ADGRL3: variants seen among roughly 807,000 people sequenced by gnomAD.
The protein encoded by ADGRL3 is adhesion G protein-coupled receptor L3, also known as calcium-independent alpha-latrotoxin receptor 3.
A neutral mutation model predicts 153.5 loss-of-function variants in ADGRL3; 62 were observed. That is an observed-to-expected ratio of 0.40 (90% CI 0.33 to 0.50). The LOEUF (loss-of-function observed/expected upper bound fraction) is 0.50. ADGRL3 is among the 20% of genes least tolerant of loss of function. The pLI, the probability that ADGRL3 is intolerant of heterozygous loss-of-function variation, is 0.47. For synonymous variants in ADGRL3, 710 were observed against 672.5 expected, an observed-to-expected ratio of 1.06 and a Z score of -0.86; for missense variants, 1,641 against 1,859.4, an observed-to-expected ratio of 0.88 and a Z score of 2.16.
intron 2 of ADGRL3, among the ~76,000 whole-genome samples, chr4:61,484,966 AT>A (rs2098173524): frequency 6.6e-6 from 1 of 152,230 alleles, no homozygotes; most frequent in Admixed American, 6.5e-5. Context: ...CATGTTAGCT[AT>A]TGATTTCAAA....
At chr4:61,939,379 C>T (rs189701360) in intron 15 of ADGRL3, among the ~76,000 whole-genome samples, 6 of 152,180 alleles carry the variant, frequency 3.9e-5, no homozygotes, top group East Asian at 1.9e-4. Context: ...AAAATATTCC[C>T]GTGTCTCTTA....
intron 8 of ADGRL3, among the ~76,000 whole-genome samples, chr4:61,738,366 G>C (rs1023203747): frequency 6.6e-6 from 1 of 152,120 alleles, no homozygotes; most frequent in Non-Finnish European, 1.5e-5. Context: ...ACTGCGAATT[G>C]TGCTGCTGTA....
At position 61,514,039 on chromosome 4, in the gene ADGRL3, G is replaced by A. The variant is rs189822433; in HGVS notation, c.56-3276G>A. ...ATTTGAAAGAATCCTTTCTCTTAAAGGTCTGGATAAAAAAAGAGGCATTTA... is the reference window on the plus strand; with the variant it reads ...ATTTGAAAGAATCCTTTCTCTTAAAAGTCTGGATAAAAAAAGAGGCATTTA... On this transcript the variant is annotated intron_variant, in intron 3 of 26. Coordinates refer to ENST00000683033, the MANE Select transcript of ADGRL3 (RefSeq NM_001387552.1). 1.6e-4 allele frequency among the ~76,000 whole-genome samples: 24 copies of A among 152,252 alleles called. No homozygotes were observed. In the East Asian group the frequency reaches 4.4e-3, roughly 28 times the overall value.
At chr4:61,228,378 A>T (rs2149132859) in intron 1 of ADGRL3, among the ~76,000 whole-genome samples, 1 of 152,356 alleles carries the variant, frequency 6.6e-6, no homozygotes, top group African/African-American at 2.4e-5. Flanking sequence ...TCTCAGTAGC[A>T]TGATACATTC....
intron 3 of ADGRL3, among the ~76,000 whole-genome samples, chr4:61,498,817 T>C (rs1476445244): frequency 6.6e-6 from 1 of 151,926 alleles, no homozygotes; most frequent in African/African-American, 2.4e-5. Context: ...ATTCACTGAA[T>C]CTCTCTCAAA....
At chr4:61,483,215 A>T (rs962904280) in intron 2 of ADGRL3, among the ~76,000 whole-genome samples, 1 of 152,132 alleles carries the variant, frequency 6.6e-6, no homozygotes, top group South Asian at 2.1e-4. Flanking sequence ...TATTTGATTG[A>T]TTTAATTATC....
At chr4:62,031,840 A>C (rs1226574856) in intron 23 of ADGRL3, among the ~76,000 whole-genome samples, 1 of 151,640 alleles carries the variant, frequency 6.6e-6, no homozygotes, top group Non-Finnish European at 1.5e-5. Context: ...ACAGTGAACA[A>C]AAATTATTTT....
chr4:61,220,455 A>G (rs1247511225), intron 1 of ADGRL3, among the ~76,000 whole-genome samples: 1 of 152,166 alleles, frequency 6.6e-6, no homozygotes, highest in Non-Finnish European at 1.5e-5. Flanking sequence ...TATGCTCTAT[A>G]TAATGGGACT....
intron 2 of ADGRL3, among the ~76,000 whole-genome samples, chr4:61,433,004 A>T (rs913789710): frequency 1.3e-5 from 2 of 152,004 alleles, no homozygotes; most frequent in African/African-American, 4.8e-5. Flanking sequence ...TAGATCAAAG[A>T]TGCATAGAAC....
intron 4 of ADGRL3, among the ~76,000 whole-genome samples, chr4:61,584,164 T>C (rs911341967): frequency 2.0e-5 from 3 of 152,034 alleles, no homozygotes; most frequent in Admixed American, 2.0e-4. Context: ...AATTAGATAA[T>C]GTTATAGAGT....
At chr4:61,428,890 A>ATC (rs1383824554) in intron 2 of ADGRL3, among the ~76,000 whole-genome samples, 222 of 77,772 alleles carry the variant, frequency 2.9e-3, no homozygotes, top group Non-Finnish European at 3.9e-3. Context: ...CTATCTATCT[A>ATC]TATCATCTAT....
intron 21 of ADGRL3, among the ~76,000 whole-genome samples, chr4:62,019,224 G>A (rs1489138074): frequency 1.3e-5 from 2 of 151,918 alleles, no homozygotes; most frequent in African/African-American, 4.8e-5. Flanking sequence ...ATCTAGATTA[G>A]AAGAAGAATT....
At chr4:61,391,436 G>C (rs1277629814) in intron 2 of ADGRL3, among the ~76,000 whole-genome samples, 1 of 152,144 alleles carries the variant, frequency 6.6e-6, no homozygotes, top group African/African-American at 2.4e-5. Context: ...CTCATACCAG[G>C]CTACACCTCT....
chr4:62,043,687 C>CT (rs1023648143), intron 24 of ADGRL3, among the ~76,000 whole-genome samples: 2 of 151,926 alleles, frequency 1.3e-5, no homozygotes, highest in Non-Finnish European at 2.9e-5. Flanking sequence ...ATTGTTAATA[C>CT]TTTTTTGACC....
At chr4:61,842,543 A>G (rs1311040441) in intron 9 of ADGRL3, among the ~76,000 whole-genome samples, 1 of 152,130 alleles carries the variant, frequency 6.6e-6, no homozygotes, top group African/African-American at 2.4e-5. Context: ...ACAAACACAA[A>G]GACAGCTGTG....
chr4:61,414,680 T>G (rs1297210790), intron 2 of ADGRL3, among the ~76,000 whole-genome samples: 15 of 151,986 alleles, frequency 9.9e-5, no homozygotes, highest in Admixed American at 9.2e-4. Flanking sequence ...TTATGTTTTT[T>G]TTTTGGAATA....
chr4:61,542,847 C>T (rs1248068871), intron 4 of ADGRL3, among the ~76,000 whole-genome samples: 2 of 152,158 alleles, frequency 1.3e-5, no homozygotes, highest in African/African-American at 2.4e-5. Flanking sequence ...TCTTTGCTAT[C>T]GCTACACTAA....
chr4:61,228,023 A>T (rs2149127178), intron 1 of ADGRL3, among the ~76,000 whole-genome samples: 1 of 152,368 alleles, frequency 6.6e-6, no homozygotes, highest in East Asian at 1.9e-4. Context: ...TAGTCCACTT[A>T]TGAAAATCTG....
chr4:61,975,759 G>A (rs1266613723), intron 17 of ADGRL3, among the ~76,000 whole-genome samples: 3 of 152,110 alleles, frequency 2.0e-5, no homozygotes, highest in Admixed American at 2.0e-4. Flanking sequence ...AGACCTATAA[G>A]ATTTCCTGAT....
Sources: gnomAD v4.1 joint callset for allele counts (sites outside exome capture counted in the v4.1 genomes callset) on GRCh38, gnomAD v4.1.1 for gene constraint, MANE v1.5 for transcripts, NCBI Gene and HGNC (gene_info 2026-07-23, HGNC 2026-07-21) for gene names.